Variants in TRIM3 observed in about 807,000 individuals in gnomAD.
TRIM3 encodes the protein tripartite motif containing 3.
In TRIM3, 13 loss-of-function variants were observed where a neutral mutation model predicts 66.6. The observed-to-expected ratio is 0.20, with a 90% CI of 0.13 to 0.31. The LOEUF (loss-of-function observed/expected upper bound fraction) is 0.31. TRIM3 is among the 10% of genes least tolerant of loss of function. TRIM3 has a pLI of 1.00. For missense variants in TRIM3, 711 were observed against 1,020.4 expected (o/e 0.70, Z 4.13); for synonymous variants, 406 against 411.7 (o/e 0.99, Z 0.17).
chr11:6,473,990 G>T (rs1850826458), upstream of TRIM3: 1 of 151,398 alleles, frequency 6.6e-6, no homozygotes, highest in Non-Finnish European at 1.5e-5. Flanking sequence ...GGGGGAGGGG[G>T]TGACTCCAGT....
Position 6,457,703 on chromosome 11 carries a change from G to C in TRIM3, c.508C>G (p.Arg170Gly), listed in dbSNP as rs561671977. 3.7e-6 allele frequency: 6 copies of C among 1,611,456 alleles called. No homozygotes were observed. In the African/African-American group the frequency reaches 8.0e-5, roughly 22 times the overall value. Residue 170 changes from arginine to glycine, a missense_variant, in exon 4 of 12, where the codon CGT becomes GGT. This residue lies in a region of TRIM3 where 149 missense variants were observed against 240.3 expected (regional missense o/e 0.62). Transcript: ENST00000345851. The surrounding 1 kb of genome is among the most constrained non-coding windows in gnomAD (Gnocchi z 4.5). The stretch of plus-strand genomic sequence containing the variant: ...ACCCTGCCCAGTGCCTACCGGCCAC[G>C]CACAGCCTCGAGCTGGCGCTGCAGG... Reference protein sequence around the residue: ...AALQRQLEAVRGRLPQLSAAI... With the variant: ...AALQRQLEAVGGRLPQLSAAI...
Position 6,449,184 on chromosome 11 carries a change from G to C in TRIM3, c.2083-4C>G. Reference sequence around the variant, plus strand: ...AGGAGCCAGAGCTGTCGAATACCTGGGGAAGGAGTGCAGAAAGGAGGGAGA... The same window carrying C: ...AGGAGCCAGAGCTGTCGAATACCTGCGGAAGGAGTGCAGAAAGGAGGGAGA... On this transcript the variant is annotated splice_polypyrimidine_tract_variant and splice_region_variant and intron_variant, in intron 11 of 11. Coordinates refer to ENST00000345851, the MANE Select transcript of TRIM3 (RefSeq NM_033278.4). This position sits in a 1 kb window ranked among gnomAD's most constrained non-coding sequence, Gnocchi z 5.3. 6.2e-7 allele frequency: 1 copy of C among 1,613,868 alleles called. No individual in the cohort carries two copies. Among genetic ancestry groups the C allele is most frequent in the Non-Finnish European group, 8.5e-7 (1 of 1,179,754 alleles).
At position 6,457,850 on chromosome 11, in the gene TRIM3, G is replaced by T. The variant is rs1339340587; in HGVS notation, c.364-3C>A. On this transcript the variant is annotated splice_polypyrimidine_tract_variant and splice_region_variant and intron_variant, in intron 3 of 11. Transcript: ENST00000345851. This position sits in a 1 kb window ranked among gnomAD's most constrained non-coding sequence, Gnocchi z 4.5. ...GCCTCACAGTAAAACTCCATCGTCT[G>T]CGGTACAAGGACTCCAGTCGGGTAA... The T allele has an allele frequency of 4.3e-6, 7 of 1,614,076 alleles. No individual in the cohort carries two copies. The highest frequency in any genetic ancestry group is 5.9e-6 in the Non-Finnish European group (7 of 1,180,020).
At position 6,457,392 on chromosome 11, in the gene TRIM3, C is replaced by G. The variant is rs775845847; in HGVS notation, c.600G>C (p.Gln200His). 21 of 1,613,716 alleles carry G rather than the reference C, an allele frequency of 1.3e-5. No individual in the cohort carries two copies. The South Asian group carries it at 1.9e-4, about 14-fold the overall frequency. ...CCAGGTCCTCGAACGCTGCACTGATCTGGGCCAGGGCCTCTGCCTTGCGCT... is the reference window on the plus strand; with the variant it reads ...CCAGGTCCTCGAACGCTGCACTGATGTGGGCCAGGGCCTCTGCCTTGCGCT... Reference protein sequence around the residue: ...LQERKAEALAQISAAFEDLEQ... With the variant: ...LQERKAEALAHISAAFEDLEQ... Residue 200 changes from glutamine (Q) to histidine (H), a missense_variant, in exon 5 of 12, where the codon CAG (glutamine) becomes CAC (histidine). Physicochemically the swap from Gln to His is conservative, Grantham distance 24. Around this residue, in one of 3 missense-constraint regions of TRIM3, gnomAD observed 399 missense variants for 458.1 expected, o/e 0.87. Coordinates refer to ENST00000345851, the MANE Select transcript of TRIM3 (RefSeq NM_033278.4). This position sits in a 1 kb window ranked among gnomAD's most constrained non-coding sequence, Gnocchi z 4.5.
rs1850819266 is a variant in TRIM3, at chr11:6,473,926, C to T, written c.-173G>A. The T allele has an allele frequency of 6.6e-6, 1 of 151,968 alleles. No homozygotes were observed. The highest frequency in any genetic ancestry group is 1.5e-5 in the Non-Finnish European group (1 of 68,076). 9.4% of individuals were successfully genotyped at this position (151,968 alleles called of 1,614,324 possible). ...CCTGTCCCCGCGCCGGCGCCGCCGC[C>T]GGACTAGCCGCACAGGCCGGAGGGA... On this transcript the variant is annotated 5_prime_UTR_variant, in exon 1 of 12. Transcript: ENST00000345851.
At chr11:6,464,986 C>CAAAAA (rs544959608) in intron 2 of TRIM3, among the ~76,000 whole-genome samples, 47 of 54,146 alleles carry the variant, frequency 8.7e-4, no homozygotes, top group African/African-American at 2.0e-3. Flanking sequence ...GACTCCATCT[C>CAAAAA]AAAAAAAAAA....
Position 6,457,901 on chromosome 11 carries a change from C to T in TRIM3, c.364-54G>A. On this transcript the variant is annotated intron_variant, in intron 3 of 11. Coordinates refer to ENST00000345851, the MANE Select transcript of TRIM3 (RefSeq NM_033278.4). This position sits in a 1 kb window ranked among gnomAD's most constrained non-coding sequence, Gnocchi z 4.5. ...TGGCTAGACATCACACTTCTTTGTC[C>T]CCTCCCCACCTGCCCTCCCTGCCCC... 1.2e-6 allele frequency: 2 copies of T among 1,603,618 alleles called. No individual in the cohort carries two copies. The highest frequency in any genetic ancestry group is 3.4e-5 in the Admixed American group (2 of 59,680).
chr11:6,458,155 C>T lies in TRIM3; in HGVS notation c.273G>A (p.Gln91=). Residue 91 remains glutamine (Q), a synonymous_variant, in exon 3 of 12, where the codon CAG becomes CAA. Coordinates refer to ENST00000345851, the MANE Select transcript of TRIM3 (RefSeq NM_033278.4). This position sits in a 1 kb window ranked among gnomAD's most constrained non-coding sequence, Gnocchi z 6.2. ...CCGGGTCGTGGGCCCCATCAGGTGCCTGCTGCATTGCCTCCATGAGGCTGC... is the reference window on the plus strand; with the variant it reads ...CCGGGTCGTGGGCCCCATCAGGTGCTTGCTGCATTGCCTCCATGAGGCTGC... ...FISSLMEAMQ[Q]APDGAHDPED... The T allele has an allele frequency of 6.2e-7, 1 of 1,614,152 alleles. No homozygotes were observed.
chr11:6,469,925 C>G (rs1850614837), intron 1 of TRIM3, among the ~76,000 whole-genome samples: 1 of 152,064 alleles, frequency 6.6e-6, no homozygotes. Context: ...GAGTATGGTG[C>G]CTTTTGCATC....
At chr11:6,455,494 T>C (rs914036269) in intron 7 of TRIM3, among the ~76,000 whole-genome samples, 9 of 152,174 alleles carry the variant, frequency 5.9e-5, no homozygotes, top group South Asian at 2.1e-4. Context: ...GCAGAAACCA[T>C]GTTCATTCAG....
chr11:6,458,260 C>A lies in TRIM3; in HGVS notation c.168G>T (p.Thr56=), dbSNP rs372879493. Residue 56 remains threonine (T), a synonymous_variant, in exon 3 of 12, where the codon ACG becomes ACT. Coordinates refer to ENST00000345851, the MANE Select transcript of TRIM3 (RefSeq NM_033278.4). This position sits in a 1 kb window ranked among gnomAD's most constrained non-coding sequence, Gnocchi z 6.2. The part of the protein sequence containing the change: ...LQNYIPAQSL[T]LSCPVCRQTS... ...TCTGCCGGCATACTGGACAGGATAGCGTCAGGCTCTGGGCAGGGATATAGT... is the reference window on the plus strand; with the variant it reads ...TCTGCCGGCATACTGGACAGGATAGAGTCAGGCTCTGGGCAGGGATATAGT... The A allele has an allele frequency of 3.7e-6, 6 of 1,614,140 alleles. No homozygotes were observed. In the East Asian group the frequency reaches 6.7e-5, roughly 18 times the overall value.
Position 6,449,527 on chromosome 11 carries a change from C to T in TRIM3, c.1942-81G>A. 1 of 1,414,102 alleles carries T rather than the reference C, an allele frequency of 7.1e-7. No homozygotes were observed. Among genetic ancestry groups the T allele is most frequent in the Non-Finnish European group, 9.6e-7 (1 of 1,045,752 alleles). The allele number at this position is 1,414,102 out of a possible 1,614,324, so 87.6% of individuals were successfully genotyped here. A position where few individuals can be genotyped will look rare whatever the true frequency, so the allele number is the denominator to read the frequency against. ...TTTGGAGGAGGATAGGGTGAAGCCC[C>T]AGGGCTGAGAACCCCCACCCAGATC... is the stretch of plus-strand genomic sequence containing the variant. On this transcript the variant is annotated intron_variant, in intron 10 of 11. Transcript: ENST00000345851. This position sits in a 1 kb window ranked among gnomAD's most constrained non-coding sequence, Gnocchi z 5.3.
chr11:6,467,349 G>A (rs983149398), intron 1 of TRIM3, among the ~76,000 whole-genome samples: 1 of 152,150 alleles, frequency 6.6e-6, no homozygotes, highest in African/African-American at 2.4e-5. Context: ...AAGGTTCTTA[G>A]GCAGAAGGCT....
chr11:6,461,843 A>G (rs1564971180), intron 2 of TRIM3, among the ~76,000 whole-genome samples: 2 of 152,020 alleles, frequency 1.3e-5, no homozygotes, highest in South Asian at 4.1e-4. Flanking sequence ...TTTACATTAC[A>G]TTATTTCCCT....
rs146874288 is a variant in TRIM3, at chr11:6,456,938, G to A, written c.788C>T (p.Ser263Leu). ...SFAEQALRLG[S>L]APEVLLVRKH... ...GCGCACCAGCAACACCTCCGGGGCC[G>A]AGCCCAGGCGCAGTGCCTGCTCTGC... The change falls in exon 6 of 12, where the codon TCG (serine) becomes TTG (leucine). Residue 263 changes from serine (S) to leucine (L), a missense_variant. Physicochemically the swap from Ser to Leu is moderately radical, Grantham distance 145. Around this residue, in one of 3 missense-constraint regions of TRIM3, gnomAD observed 399 missense variants for 458.1 expected, o/e 0.87. Transcript: ENST00000345851. This position sits in a 1 kb window ranked among gnomAD's most constrained non-coding sequence, Gnocchi z 6.4. 5.0e-6 allele frequency: 8 copies of A among 1,610,512 alleles called. No individual in the cohort carries two copies. Among genetic ancestry groups the A allele is most frequent in the Non-Finnish European group, 6.8e-6 (8 of 1,179,802 alleles).
intron 1 of TRIM3, among the ~76,000 whole-genome samples, chr11:6,471,241 G>T (rs894392764): frequency 6.6e-5 from 10 of 152,214 alleles, no homozygotes; most frequent in Admixed American, 4.6e-4. Flanking sequence ...AGGTAACCAA[G>T]GCATTGTTGA....
rs148786669 is a variant in TRIM3 at position 6,449,041 on chromosome 11, C to T, written c.2222G>A (p.Arg741His). The T allele has an allele frequency of 7.9e-5, 128 of 1,613,974 alleles. 1 individual carries two copies. Among genetic ancestry groups the T allele is most frequent in the Non-Finnish European group, 1.0e-4 (119 of 1,179,982 alleles). The change falls in exon 12 of 12, where the codon CGC becomes CAC. Residue 741 changes from arginine to histidine, a missense_variant. By Grantham distance (29) the Arg-to-His change is conservative. Coordinates refer to ENST00000345851, the MANE Select transcript of TRIM3 (RefSeq NM_033278.4). The surrounding 1 kb of genome is among the most constrained non-coding windows in gnomAD (Gnocchi z 5.3). ...DAGNHCFKAY[R>H]YLQ ...GCCTCTGTACAGCTACTGGAGGTAG[C>T]GATAGGCTTTAAAGCAGTGGTTGCC...
At chr11:6,468,311 G>C (rs1850550057) in intron 1 of TRIM3, among the ~76,000 whole-genome samples, 1 of 152,168 alleles carries the variant, frequency 6.6e-6, no homozygotes, top group South Asian at 2.1e-4. Context: ...GTGTCTCTCT[G>C]ATGTCCAGGT....
chr11:6,453,568 A>G (rs1696965387), intron 7 of TRIM3, among the ~76,000 whole-genome samples: 1 of 152,236 alleles, frequency 6.6e-6, no homozygotes. Flanking sequence ...GTAAAGTATG[A>G]AAAGTACTAT....
Sources: allele counts gnomAD v4.1 joint callset (sites outside exome capture counted in the v4.1 genomes callset), GRCh38; gene constraint gnomAD v4.1.1; regional missense constraint gnomAD v4.1.1; non-coding constraint Gnocchi (gnomAD v3.1); transcripts MANE v1.5; gene names NCBI Gene and HGNC (gene_info 2026-07-23, HGNC 2026-07-21).